The following SLC25A20 variants were observed in gnomAD, a reference collection of about 807,000 sequenced individuals.
SLC25A20 encodes the protein solute carrier family 25 member 20.
A neutral mutation model predicts 39.7 loss-of-function variants in SLC25A20; 29 were observed. The observed-to-expected ratio is 0.73, with a 90% CI of 0.54 to 1.00. The LOEUF (loss-of-function observed/expected upper bound fraction) is 1.00, where lower values mean the gene tolerates loss of function less well. SLC25A20 is among the 50% of genes least tolerant of loss of function. The pLI, the probability that SLC25A20 is intolerant of heterozygous loss-of-function variation, is 0.00. For synonymous variants in SLC25A20, 103 were observed against 142.2 expected, an observed-to-expected ratio of 0.72 and a Z score of 1.96; for missense variants, 333 against 379.9, an observed-to-expected ratio of 0.88 and a Z score of 1.03.
At position 48,857,146 on chromosome 3, in the gene SLC25A20, C is replaced by A; in HGVS notation, c.*564G>T. 1.3e-5 allele frequency: 2 copies of A among 154,272 alleles called. No homozygotes were observed. The highest frequency in any genetic ancestry group is 2.9e-5 in the Non-Finnish European group (2 of 69,294). The allele number at this position is 154,272 out of a possible 1,614,324, so 9.6% of individuals were successfully genotyped here. A position where few individuals can be genotyped will look rare whatever the true frequency, so the allele number is the denominator to read the frequency against. ...ATTTGCAGGCATAAAAAAAAAAAAT[C>A]AAAATCCAACGATTAACAGTCTATC... On this transcript the variant is annotated 3_prime_UTR_variant, in exon 9 of 9. Transcript: ENST00000319017.
At chr3:48,870,313 G>A (rs1038789594) in intron 4 of SLC25A20, among the ~76,000 whole-genome samples, 14 of 152,200 alleles carry the variant, frequency 9.2e-5, no homozygotes, top group Non-Finnish European at 2.1e-4. Context: ...AGGCAGGAGA[G>A]TTGCTTGAAC....
chr3:48,889,158 T>G (rs1265386951), intron 2 of SLC25A20, among the ~76,000 whole-genome samples: 1 of 151,940 alleles, frequency 6.6e-6, no homozygotes, highest in East Asian at 1.9e-4. Flanking sequence ...AGACCTGTGT[T>G]AATGAAGTTA....
chr3:48,890,651 C>CTTTTTTTTTTTTTTTTT (rs71077750), intron 2 of SLC25A20, among the ~76,000 whole-genome samples: 1 of 78,134 alleles, frequency 1.3e-5, no homozygotes, highest in Non-Finnish European at 2.3e-5. Context: ...GCCCCCTTGT[C>CTTTTTTTTTTTTTTTTT]TTTTTTTTTT....
At position 48,864,556 on chromosome 3, in the gene SLC25A20, A is replaced by G. The variant is rs375661643; in HGVS notation, c.418-1897T>C. ...GTAAGATAATGTCAATTGAGTATCA[A>G]TGGTTTTTTTTTTTTTTGGTATAAC... On this transcript the variant is annotated intron_variant, in intron 4 of 8. Transcript: ENST00000319017. 2.1e-4 allele frequency among the ~76,000 whole-genome samples: 32 copies of G among 151,608 alleles called. No individual in the cohort carries two copies. In the East Asian group the frequency reaches 2.9e-3, roughly 14 times the overall value.
At chr3:48,873,410 A>C (rs1266358651) in intron 4 of SLC25A20, among the ~76,000 whole-genome samples, 1 of 150,434 alleles carries the variant, frequency 6.6e-6, no homozygotes, top group East Asian at 2.0e-4. Context: ...GGAGATCGAG[A>C]CCATCCTGCC....
chr3:48,857,949 A>T (rs2083592861), intron 8 of SLC25A20, among the ~76,000 whole-genome samples, 177 bp from the exon 9 acceptor site: 1 of 149,942 alleles, frequency 6.7e-6, no homozygotes, highest in Non-Finnish European at 1.5e-5. Flanking sequence ...GAAAATTTAT[A>T]TTCCACAACT....
At position 48,875,275 on chromosome 3, in the gene SLC25A20, G is replaced by T. The variant is rs893163192; in HGVS notation, c.417+4083C>A. On this transcript the variant is annotated intron_variant, in intron 4 of 8. Transcript: ENST00000319017. ...CTGCTACCACACCTGGCTAATTTTT[G>T]TATTTTTCGTAGAGACAGGATTTCA... is the stretch of plus-strand genomic sequence containing the variant. Among the ~76,000 whole-genome samples, 21 of 151,564 alleles carry T rather than the reference G, an allele frequency of 1.4e-4. No individual in the cohort carries two copies. In the East Asian group the frequency reaches 2.4e-3, roughly 17 times the overall value.
At chr3:48,884,716 G>C (rs1361450141) in intron 2 of SLC25A20, among the ~76,000 whole-genome samples, 2 of 151,920 alleles carry the variant, frequency 1.3e-5, no homozygotes, top group Non-Finnish European at 2.9e-5. Flanking sequence ...TTTATTGCAA[G>C]GAATTTATTC....
chr3:48,886,709 C>T (rs1032387511), intron 2 of SLC25A20, among the ~76,000 whole-genome samples: 1 of 151,916 alleles, frequency 6.6e-6, no homozygotes, highest in Admixed American at 6.6e-5. Flanking sequence ...AATGAAGTGC[C>T]TGTATCAGGG....
At chr3:48,891,571 A>G (rs1049254193) in intron 2 of SLC25A20, among the ~76,000 whole-genome samples, 2 of 151,802 alleles carry the variant, frequency 1.3e-5, no homozygotes, top group Admixed American at 1.3e-4. Flanking sequence ...GACACTCTCT[A>G]CATGTTGCCC....
intron 4 of SLC25A20, among the ~76,000 whole-genome samples, chr3:48,868,701 A>C (rs1411973326): frequency 6.6e-6 from 1 of 152,186 alleles, no homozygotes; most frequent in African/African-American, 2.4e-5. Flanking sequence ...AAGGACCAGG[A>C]AAGGTCCTCT....
chr3:48,862,720 C>T, intron 4 of SLC25A20, 61 bp from the exon 5 acceptor site: 1 of 1,079,494 alleles, frequency 9.3e-7, no homozygotes, highest in Non-Finnish European at 1.4e-6. Context: ...CAGCAGGTTA[C>T]AGGAGACTAC....
At position 48,879,432 on chromosome 3, in the gene SLC25A20, CA is replaced by C; in HGVS notation, c.342del (p.Phe114LeufsTer15). The C allele has an allele frequency of 1.2e-6, 2 of 1,613,514 alleles. No homozygotes were observed. Among genetic ancestry groups the C allele is most frequent in the Non-Finnish European group, 1.7e-6 (2 of 1,179,500 alleles). On this transcript the variant is annotated frameshift_variant, in exon 4 of 9. Transcript: ENST00000319017. LOFTEE classifies it high-confidence loss of function. ...PEDVLSYPQLFAAGMLSGVFT... is the reference protein window; with the variant it reads ...PEDVLSYPQLXAAGMLSGVFT... ...AATACGCCAGATAACATCCCAGCTG[CA>C]AAAAGCTGGGGATAGCTGCATTGAA...
chr3:48,875,064 A>G (rs1404492231), intron 4 of SLC25A20, among the ~76,000 whole-genome samples: 1 of 22,646 alleles, frequency 4.4e-5, no homozygotes, highest in South Asian at 9.4e-3. Context: ...TCTGTCTCAG[A>G]AAAAAAAAAA....
intron 1 of SLC25A20, among the ~76,000 whole-genome samples, chr3:48,893,124 C>T (rs1039635285): frequency 3.3e-5 from 5 of 151,784 alleles, no homozygotes; most frequent in African/African-American, 4.8e-5. Flanking sequence ...ACCTCCTGGG[C>T]TCATGCAATC....
chr3:48,865,974 C>CA (rs1189751921), intron 4 of SLC25A20, among the ~76,000 whole-genome samples: 23 of 142,028 alleles, frequency 1.6e-4, no homozygotes, highest in South Asian at 1.1e-3. Context: ...ACTAAAAATA[C>CA]AAAAAAAAAA....
intron 4 of SLC25A20, among the ~76,000 whole-genome samples, chr3:48,875,575 A>G (rs2083749836): frequency 1.3e-5 from 2 of 152,190 alleles, no homozygotes; most frequent in South Asian, 4.2e-4. Context: ...ATACCTGGCT[A>G]ATTTTTGTAT....
chr3:48,879,077 G>T (rs1376968815), intron 4 of SLC25A20, among the ~76,000 whole-genome samples: 4 of 151,832 alleles, frequency 2.6e-5, no homozygotes, highest in African/African-American at 9.7e-5. Context: ...CACCATGTTG[G>T]CCAGGCTGGT....
At chr3:48,896,174 C>T (rs916322736) in intron 1 of SLC25A20, among the ~76,000 whole-genome samples, 2 of 151,220 alleles carry the variant, frequency 1.3e-5, no homozygotes, top group Non-Finnish European at 2.9e-5. Flanking sequence ...TGACTAATAC[C>T]TTGTTGTGAT....
Sources: allele counts gnomAD v4.1 joint callset (sites outside exome capture counted in the v4.1 genomes callset), GRCh38; gene constraint gnomAD v4.1.1; transcripts MANE v1.5; gene names NCBI Gene and HGNC (gene_info 2026-07-23, HGNC 2026-07-21).